MYH3: variants seen among roughly 807,000 people sequenced by gnomAD.
MYH3 encodes the protein myosin-3.
In MYH3, 130 loss-of-function variants were observed where a neutral mutation model predicts 238.0. That is an observed-to-expected ratio of 0.55 (90% confidence interval 0.47 to 0.63). The LOEUF (loss-of-function observed/expected upper bound fraction) is 0.63. MYH3 is among the 30% of genes least tolerant of loss of function. The pLI, the probability that MYH3 is intolerant of heterozygous loss-of-function variation, is 0.00. For synonymous variants in MYH3, 880 were observed against 924.1 expected, an observed-to-expected ratio of 0.95 and a Z score of 0.86; for missense variants, 1,853 against 2,374.9, an observed-to-expected ratio of 0.78 and a Z score of 4.57.
chr17:10,630,721 G>C (rs1338788415), intron 36 of MYH3, among the ~76,000 whole-genome samples: 1 of 152,152 alleles, frequency 6.6e-6, no homozygotes, highest in Non-Finnish European at 1.5e-5. Context: ...CGTGGTGGCA[G>C]ATGCCCGTAT....
At chr17:10,641,056 C>T (rs1054071746) in intron 19 of MYH3, 29 bp downstream of exon 19, 1 of 1,492,038 alleles carries the variant, frequency 6.7e-7, no homozygotes, top group African/African-American at 1.4e-5. Context: ...ATCTCATCCC[C>T]AAGCATATAG....
chr17:10,677,151 C>A, the MYH3 span: 1 of 152,082 alleles, frequency 6.6e-6, no homozygotes, highest in Admixed American at 6.6e-5. Flanking sequence ...ACTAAAAATA[C>A]AAAAATTTAG....
At chr17:10,640,310 T>G in intron 21 of MYH3, 23 bp downstream of exon 21, 4 of 1,614,212 alleles carry the variant, frequency 2.5e-6, no homozygotes, top group Non-Finnish European at 3.4e-6. Flanking sequence ...AGAGCTCATG[T>G]CTGAACAAAG....
intron 36 of MYH3, among the ~76,000 whole-genome samples, chr17:10,631,123 G>A (rs2074151971): frequency 6.6e-6 from 1 of 152,192 alleles, no homozygotes; most frequent in Admixed American, 6.5e-5. Flanking sequence ...AGAGTAGTCT[G>A]ACTTGATACT....
At chr17:10,652,613 T>C (rs1420491407) in intron 3 of MYH3, 50 bp from the exon 4 acceptor site, 1 of 315,578 alleles carries the variant, frequency 3.2e-6, no homozygotes. Flanking sequence ...GCACGTCTTT[T>C]TTTTTTTTTT....
chr17:10,673,864 T>C, the MYH3 span: 1 of 152,210 alleles, frequency 6.6e-6, no homozygotes, highest in Admixed American at 6.5e-5. Flanking sequence ...GACAGTCGTC[T>C]TTGACAAAAA....
Position 10,631,644 on chromosome 17 carries a change from G to C in MYH3, c.5253C>G (p.Asn1751Lys). The change falls in exon 36 of 41, where the codon AAC becomes AAG. Residue 1751 changes from asparagine to lysine, a missense_variant. Transcript: ENST00000583535. ...EVEDASRDAR[N>K]AEEKAKKAIT... ...TGGCCTTCTTGGCCTTCTCCTCAGC[G>C]TTCCTTGCATCCCTGCTGGCATCTT... 6.2e-7 allele frequency: 1 copy of C among 1,614,148 alleles called. No individual in the cohort carries two copies. Among genetic ancestry groups the C allele is most frequent in the Non-Finnish European group, 8.5e-7 (1 of 1,180,032 alleles).
chr17:10,634,827 G>A lies in MYH3; in HGVS notation c.4356+13C>T, dbSNP rs2142388581. On this transcript the variant is annotated intron_variant, in intron 31 of 40. Coordinates refer to ENST00000583535, the MANE Select transcript of MYH3 (RefSeq NM_002470.4). ...CATCATGGCATTCACCCAGCACACA[G>A]CGGACCCCACACCTTGTCAAAGTTC... 1.2e-5 allele frequency: 20 copies of A among 1,614,100 alleles called. No individual in the cohort carries two copies. Among genetic ancestry groups the A allele is most frequent in the Non-Finnish European group, 1.7e-5 (20 of 1,180,006 alleles).
At position 10,654,321 on chromosome 17, in the gene MYH3, C is replaced by T. The variant is rs1164202923; in HGVS notation, c.204+540G>A. 1.3e-5 allele frequency among the ~76,000 whole-genome samples: 2 copies of T among 152,086 alleles called. No homozygotes were observed. The highest frequency in any genetic ancestry group is 4.8e-5 in the African/African-American group (2 of 41,408). On this transcript the variant is annotated intron_variant, in intron 3 of 40. Coordinates refer to ENST00000583535, the MANE Select transcript of MYH3 (RefSeq NM_002470.4). This position sits in a 1 kb window ranked among gnomAD's most constrained non-coding sequence, Gnocchi z 4.5. Reference sequence around the variant, plus strand: ...TGTGGATTTTAGAAACTAGTGAGCTCCAGAATTCCTCGCAGCACCCCCACA... The same window carrying T: ...TGTGGATTTTAGAAACTAGTGAGCTTCAGAATTCCTCGCAGCACCCCCACA...
intron 1 of MYH3, among the ~76,000 whole-genome samples, chr17:10,656,731 G>A (rs1210001935): frequency 6.6e-6 from 1 of 152,156 alleles, no homozygotes; most frequent in East Asian, 1.9e-4. Context: ...TCGGACAGCA[G>A]GGACCGCATC....
chr17:10,657,612 G>C (rs1305866750), upstream of MYH3, among the ~76,000 whole-genome samples: 15 of 152,136 alleles, frequency 9.9e-5, no homozygotes, highest in South Asian at 6.2e-4. Context: ...AGCCACCTCC[G>C]TTCTCAGGCG....
chr17:10,632,431 T>C (rs2074171833), intron 34 of MYH3, 45 bp downstream of exon 34: 10 of 1,586,660 alleles, frequency 6.3e-6, no homozygotes, highest in Non-Finnish European at 8.6e-6. Flanking sequence ...CATTTCTGAG[T>C]ATGTGAGGAG....
rs758392080 is a variant in MYH3 at position 10,648,618 on chromosome 17, T to C, written c.674A>G (p.Asn225Ser). ...GTTCCCAAAGGCCTCCAGCAGGGGATTGGCACTGATGATTTGATCTTCCAG... is the reference window on the plus strand; with the variant it reads ...GTTCCCAAAGGCCTCCAGCAGGGGACTGGCACTGATGATTTGATCTTCCAG... The part of the protein sequence containing the change: ...GTLEDQIISA[N>S]PLLEAFGNAK... Residue 225 changes from asparagine (N) to serine (S), a missense_variant, in exon 8 of 41, where the codon AAT (asparagine) becomes AGT (serine). By Grantham distance (46) the Asn-to-Ser change is conservative (BLOSUM62 1). Around this residue, in one of 3 missense-constraint regions of MYH3, gnomAD observed 678 missense variants for 1,058.9 expected, o/e 0.64. Transcript: ENST00000583535. The C allele has an allele frequency of 3.1e-6, 5 of 1,613,934 alleles. No homozygotes were observed. The highest frequency in any genetic ancestry group is 2.2e-5 in the East Asian group (1 of 44,882).
rs2074131829 is a variant in MYH3 at position 10,629,584 on chromosome 17, C to A, written c.5796+13G>T. The A allele has an allele frequency of 6.2e-7, 1 of 1,612,572 alleles. No homozygotes were observed. Among genetic ancestry groups the A allele is most frequent in the Non-Finnish European group, 8.5e-7 (1 of 1,180,038 alleles). On this transcript the variant is annotated intron_variant, in intron 40 of 40. Coordinates refer to ENST00000583535, the MANE Select transcript of MYH3 (RefSeq NM_002470.4). ...GTCCCTGGGGGGGGGCTCCTCCCAG[C>A]TCAGCGACTCACCCTGCTGGAGGTG...
chr17:10,662,722 G>T, the MYH3 span, among the ~76,000 whole-genome samples: 1 of 152,154 alleles, frequency 6.6e-6, no homozygotes. Flanking sequence ...TACACTTGAT[G>T]AGTATGTCTC....
In MYH3 at chr17:10,646,017, G is replaced by C; in HGVS notation, c.914C>G (p.Thr305Arg). Residue 305 changes from threonine to arginine, a missense_variant, in exon 11 of 41, where the codon ACG becomes AGG. Thr to Arg is a moderately conservative substitution (Grantham distance 71). This residue lies in a region of MYH3 where 678 missense variants were observed against 1,058.9 expected (regional missense o/e 0.64). Transcript: ENST00000583535. The stretch of plus-strand genomic sequence containing the variant: ...GAACGGGTAGTCGTAAGGGTTGGTC[G>C]TAATAAGCAGCAGCTCTGAAATGAC... ...KPELIELLLI[T>R]TNPYDYPFIS... is the part of the protein sequence containing the mutation. 6.2e-7 allele frequency: 1 copy of C among 1,613,790 alleles called. No homozygotes were observed. Among genetic ancestry groups the C allele is most frequent in the South Asian group, 1.1e-5 (1 of 91,062 alleles).
At chr17:10,662,943 C>T in the MYH3 span, among the ~76,000 whole-genome samples, 4 of 151,936 alleles carry the variant, frequency 2.6e-5, no homozygotes, top group East Asian at 5.8e-4. Context: ...AAAAATTAGC[C>T]GGGTGTGGTG....
intron 1 of MYH3, among the ~76,000 whole-genome samples, chr17:10,656,791 G>C (rs1320211596): frequency 6.6e-6 from 1 of 152,184 alleles, no homozygotes; most frequent in Non-Finnish European, 1.5e-5. Flanking sequence ...CCTTGTCTGT[G>C]AACAGGCAAT....
Position 10,650,278 on chromosome 17 carries a change from A to G in MYH3, c.533+96T>C. ...GGTGTCAGCCACCGCGCCCAGCCTGATCTTTTTATTATAGACTCTGCTCCA... is the reference window on the plus strand; with the variant it reads ...GGTGTCAGCCACCGCGCCCAGCCTGGTCTTTTTATTATAGACTCTGCTCCA... On this transcript the variant is annotated intron_variant, in intron 6 of 40. Coordinates refer to ENST00000583535, the MANE Select transcript of MYH3 (RefSeq NM_002470.4). The G allele has an allele frequency of 7.5e-6, 10 of 1,336,088 alleles. No homozygotes were observed. In the Admixed American group the frequency reaches 1.6e-4, roughly 21 times the overall value. 82.8% of individuals were successfully genotyped at this position (1,336,088 alleles called of 1,614,324 possible).
Sources: allele counts gnomAD v4.1 joint callset (sites outside exome capture counted in the v4.1 genomes callset), GRCh38; gene constraint gnomAD v4.1.1; regional missense constraint gnomAD v4.1.1; non-coding constraint Gnocchi (gnomAD v3.1); transcripts MANE v1.5; gene names NCBI Gene and HGNC (gene_info 2026-07-23, HGNC 2026-07-21).